The following MYO6 variants were observed in gnomAD, a reference collection of about 807,000 sequenced individuals.
MYO6 encodes unconventional myosin-VI.
In MYO6, 74 loss-of-function variants were observed where a neutral mutation model predicts 178.7. The ratio of observed to expected loss-of-function variants is 0.41; its 90% CI spans 0.34 to 0.50. The LOEUF is 0.50. Among genes scored for constraint, MYO6 ranks in the 20% least tolerant of loss-of-function variants. The pLI is 0.09. For synonymous variants in MYO6, 477 were observed against 504.6 expected (o/e 0.95, Z 0.73); for missense variants, 1,330 against 1,547.4 (o/e 0.86, Z 2.36).
intron 1 of MYO6, among the ~76,000 whole-genome samples, chr6:75,807,952 G>GT (rs1251366727): frequency 6.6e-6 from 1 of 151,742 alleles, no homozygotes; most frequent in Non-Finnish European, 1.5e-5. Flanking sequence ...TCAAGATGGA[G>GT]TTGCTCTGGT....
chr6:75,808,664 T>C (rs1467167664), intron 1 of MYO6, among the ~76,000 whole-genome samples: 3 of 152,200 alleles, frequency 2.0e-5, no homozygotes, highest in Non-Finnish European at 2.9e-5. Flanking sequence ...AAGACAGGTC[T>C]CAACCAATTT....
At position 75,914,272 on chromosome 6, in the gene MYO6, C is replaced by T; in HGVS notation, c.3649C>T (p.Leu1217Phe). Residue 1217 changes from leucine to phenylalanine, a missense_variant, in exon 34 of 35, where the codon CTT becomes TTT. By Grantham distance (22) the Leu-to-Phe change is conservative. Transcript: ENST00000369977. ...CCATCCTGACAAGCCACCCATCCTA[C>T]TTGTGGCTGGTGTGTATGATTCACA... ...ELHPDKPPIL[L>F]VAGKDDMEMC... is the part of the protein sequence containing the mutation. 6.2e-7 allele frequency: 1 copy of T among 1,614,100 alleles called. No homozygotes were observed. Among genetic ancestry groups the T allele is most frequent in the East Asian group, 2.2e-5 (1 of 44,880 alleles).
At chr6:75,824,755 G>C (rs977476802) in intron 3 of MYO6, among the ~76,000 whole-genome samples, 1 of 147,068 alleles carries the variant, frequency 6.8e-6, no homozygotes, top group African/African-American at 2.5e-5. Flanking sequence ...CCTACTTTTC[G>C]GTCTAAATTT....
chr6:75,796,013 A>G (rs1467740223), intron 1 of MYO6, among the ~76,000 whole-genome samples: 2 of 152,240 alleles, frequency 1.3e-5, no homozygotes, highest in African/African-American at 4.8e-5. Flanking sequence ...TAAATCTCTC[A>G]TAGGTATGAA....
intron 13 of MYO6, among the ~76,000 whole-genome samples, chr6:75,858,463 G>A (rs1290980262): frequency 6.6e-6 from 1 of 152,072 alleles, no homozygotes; most frequent in Non-Finnish European, 1.5e-5. Flanking sequence ...AAAATTAGCT[G>A]GGTGTGGTGG....
intron 11 of MYO6, among the ~76,000 whole-genome samples, chr6:75,849,048 A>G (rs1775007050): frequency 6.6e-6 from 1 of 152,244 alleles, no homozygotes; most frequent in Non-Finnish European, 1.5e-5. Flanking sequence ...TTTCAACTCC[A>G]GTGTTTCAGT....
At chr6:75,837,353 A>G (rs1355093154) in intron 7 of MYO6, among the ~76,000 whole-genome samples, 1 of 152,206 alleles carries the variant, frequency 6.6e-6, no homozygotes, top group Non-Finnish European at 1.5e-5. Context: ...TAAGCATTTT[A>G]ACTACATGCC....
chr6:75,819,567 A>G (rs546508902), intron 2 of MYO6, among the ~76,000 whole-genome samples: 1 of 152,320 alleles, frequency 6.6e-6, no homozygotes, highest in Admixed American at 6.5e-5. Flanking sequence ...GACCCATAGT[A>G]AAATAGATTT....
At position 75,918,272 on chromosome 6, in the gene MYO6, A is replaced by G. The variant is rs1198954015; in HGVS notation, c.*3260A>G. On this transcript the variant is annotated 3_prime_UTR_variant, in exon 35 of 35. Transcript: ENST00000369977. ...TAACAAGGATGGAAGGGGAGGGCAAAGGATATCTAAACATGAGAATAAGGA... is the reference window on the plus strand; with the variant it reads ...TAACAAGGATGGAAGGGGAGGGCAAGGGATATCTAAACATGAGAATAAGGA... 1 of 152,158 alleles carries G rather than the reference A, an allele frequency of 6.6e-6. No homozygotes were observed. Among genetic ancestry groups the G allele is most frequent in the Non-Finnish European group, 1.5e-5 (1 of 68,036 alleles). 9.4% of individuals were successfully genotyped at this position (152,158 alleles called of 1,614,324 possible).
intron 1 of MYO6, among the ~76,000 whole-genome samples, chr6:75,753,006 A>G (rs1306311161): frequency 4.6e-5 from 7 of 152,312 alleles, no homozygotes; most frequent in Admixed American, 2.6e-4. Flanking sequence ...TTTTTAGATT[A>G]TGATTAAATT....
chr6:75,813,780 C>G (rs1438727091), intron 1 of MYO6, among the ~76,000 whole-genome samples: 1 of 152,124 alleles, frequency 6.6e-6, no homozygotes, highest in Admixed American at 6.5e-5. Context: ...TGGGTTCTTC[C>G]CCCCAAATCA....
intron 1 of MYO6, among the ~76,000 whole-genome samples, chr6:75,770,007 T>G (rs998231084): frequency 2.6e-5 from 4 of 152,184 alleles, no homozygotes; most frequent in African/African-American, 9.6e-5. Context: ...AGTGGCCCCC[T>G]TCTCACAGCT....
intron 2 of MYO6, among the ~76,000 whole-genome samples, chr6:75,820,115 C>A (rs867979159): frequency 6.6e-6 from 1 of 152,186 alleles, no homozygotes; most frequent in African/African-American, 2.4e-5. Context: ...GGTAAGAAGC[C>A]GCTCTGAAGC....
At chr6:75,892,732 C>A (rs778962946) in intron 28 of MYO6, 42 bp downstream of exon 28, 1 of 1,603,378 alleles carries the variant, frequency 6.2e-7, no homozygotes, top group Non-Finnish European at 8.5e-7. Context: ...CTCTCCTTTG[C>A]TTTCTCTACC....
At chr6:75,767,418 G>T (rs1260079151) in intron 1 of MYO6, among the ~76,000 whole-genome samples, 1 of 150,722 alleles carries the variant, frequency 6.6e-6, no homozygotes, top group Non-Finnish European at 1.5e-5. Flanking sequence ...TAAATAATAA[G>T]AATGAATATA....
chr6:75,781,491 AT>A (rs1296854481), intron 1 of MYO6, among the ~76,000 whole-genome samples: 6 of 152,132 alleles, frequency 3.9e-5, no homozygotes, highest in Non-Finnish European at 5.9e-5. Context: ...TGAGAGGGAT[AT>A]TTTTTGAGTT....
At position 75,882,090 on chromosome 6, in the gene MYO6, C is replaced by T. The variant is rs181927016; in HGVS notation, c.2416+272C>T. ...ATCTTGATCTCTCGTCCCCGCACCC[C>T]TCACCATCCCCTAATCTCTCAGACT... On this transcript the variant is annotated intron_variant, in intron 23 of 34. Transcript: ENST00000369977. 2.0e-5 allele frequency among the ~76,000 whole-genome samples: 3 copies of T among 152,292 alleles called. No homozygotes were observed. In the East Asian group the frequency reaches 5.8e-4, roughly 29 times the overall value.
At chr6:75,763,181 G>T (rs181054656) in intron 1 of MYO6, among the ~76,000 whole-genome samples, 1 of 151,752 alleles carries the variant, frequency 6.6e-6, no homozygotes, top group East Asian at 1.9e-4. Flanking sequence ...CACCTGCCAC[G>T]CCTGGTTAAT....
At position 75,918,720 on chromosome 6, in the gene MYO6, A is replaced by G. The variant is rs1033781754; in HGVS notation, c.*3708A>G. On this transcript the variant is annotated 3_prime_UTR_variant, in exon 35 of 35. Coordinates refer to ENST00000369977, the MANE Select transcript of MYO6 (RefSeq NM_004999.4). ...TGTATTCTTTCCCCATTGCTAACCT[A>G]ATATATGAAACAAGCTTAGCTGTCT... is the stretch of plus-strand genomic sequence containing the variant. 6.6e-6 allele frequency: 1 copy of G among 152,250 alleles called. No individual in the cohort carries two copies. Among genetic ancestry groups the G allele is most frequent in the Non-Finnish European group, 1.5e-5 (1 of 68,044 alleles). 9.4% of individuals were successfully genotyped at this position (152,250 alleles called of 1,614,324 possible). A position where few individuals can be genotyped will look rare whatever the true frequency, so the allele number is the denominator to read the frequency against.
Sources: allele counts gnomAD v4.1 joint callset (sites outside exome capture counted in the v4.1 genomes callset), GRCh38; gene constraint gnomAD v4.1.1; transcripts MANE v1.5; gene names NCBI Gene and HGNC (gene_info 2026-07-23, HGNC 2026-07-21).